The following MACROH2A2 variants were observed in gnomAD, a reference collection of about 807,000 sequenced individuals.
MACROH2A2 encodes macroH2A.2 histone, also known as core histone macro-H2A.2.
MACROH2A2 carries 6 observed loss-of-function variants against 37.6 expected under a neutral mutation model. That is an observed-to-expected ratio of 0.16 (90% CI 0.09 to 0.32). The LOEUF is 0.32. Among genes scored for constraint, MACROH2A2 ranks in the 10% least tolerant of loss-of-function variants. The probability of loss-of-function intolerance (pLI) is 1.00; values close to 1 mark genes in which losing one functional copy is unlikely to be tolerated. For synonymous variants in MACROH2A2, 192 were observed against 202.7 expected (o/e 0.95, Z 0.45); for missense variants, 290 against 485.9 (o/e 0.60, Z 3.79).
intron 5 of MACROH2A2, among the ~76,000 whole-genome samples, chr10:70,094,902 T>C (rs570438657): frequency 6.6e-6 from 1 of 152,174 alleles, no homozygotes; most frequent in Non-Finnish European, 1.5e-5. Flanking sequence ...GGTTATTGGC[T>C]TCAGAGCCCT....
At chr10:70,063,604 T>A (rs1035002059) in intron 1 of MACROH2A2, among the ~76,000 whole-genome samples, 2 of 152,246 alleles carry the variant, frequency 1.3e-5, no homozygotes, top group African/African-American at 2.4e-5. Flanking sequence ...AGCAGCATAC[T>A]CATTTCTAGG....
chr10:70,100,152 A>T, intron 6 of MACROH2A2, 56 bp from the exon 7 acceptor site: 1 of 875,672 alleles, frequency 1.1e-6, no homozygotes, highest in South Asian at 1.5e-5. Context: ...TATGTCAAAC[A>T]GTGTAATTAG....
chr10:70,109,382 G>A (rs1454092696), intron 8 of MACROH2A2, among the ~76,000 whole-genome samples, 175 bp downstream of exon 8: 3 of 152,220 alleles, frequency 2.0e-5, no homozygotes, highest in Non-Finnish European at 4.4e-5. Context: ...GGGGAAGCGA[G>A]CCCACTGGCT....
intron 3 of MACROH2A2, among the ~76,000 whole-genome samples, chr10:70,090,680 CTG>C (rs2072238918): frequency 6.6e-6 from 1 of 152,170 alleles, no homozygotes; most frequent in Non-Finnish European, 1.5e-5. Flanking sequence ...TCTTCTCAAA[CTG>C]TAGTGAAGAA....
chr10:70,070,999 A>G (rs1469426764), intron 1 of MACROH2A2, among the ~76,000 whole-genome samples: 2 of 148,900 alleles, frequency 1.3e-5, no homozygotes, highest in Non-Finnish European at 3.0e-5. Flanking sequence ...GTGCATGTGC[A>G]TGTGTGTGTG....
In MACROH2A2 at chr10:70,111,823, G is replaced by C. The variant is rs931030747; in HGVS notation, c.*140G>C. 1 of 591,926 alleles carries C rather than the reference G, an allele frequency of 1.7e-6. No individual in the cohort carries two copies. The highest frequency in any genetic ancestry group is 2.7e-6 in the Non-Finnish European group (1 of 365,252). 36.7% of individuals were successfully genotyped at this position (591,926 alleles called of 1,614,324 possible). A position where few individuals can be genotyped will look rare whatever the true frequency, so the allele number is the denominator to read the frequency against. ...GTCCTGCCGGCGCAGGGAGCCCTCT[G>C]CCCTTCACACTCTCCTCCAAAAGAG... On this transcript the variant is annotated 3_prime_UTR_variant, in exon 9 of 9. Coordinates refer to ENST00000373255, the MANE Select transcript of MACROH2A2 (RefSeq NM_018649.3).
At chr10:70,068,531 C>T (rs1015785913) in intron 1 of MACROH2A2, among the ~76,000 whole-genome samples, 63 of 152,138 alleles carry the variant, frequency 4.1e-4, no homozygotes, top group Non-Finnish European at 5.9e-4. Flanking sequence ...GTACCCAGAC[C>T]TTGGAGTCAG....
chr10:70,060,236 G>A (rs190852581), intron 1 of MACROH2A2, among the ~76,000 whole-genome samples: 2 of 152,070 alleles, frequency 1.3e-5, no homozygotes, highest in South Asian at 2.1e-4. Flanking sequence ...GGGGCACAGT[G>A]GTGGGCGCCT....
intron 8 of MACROH2A2, 72 bp downstream of exon 8, chr10:70,109,279 C>A (rs902972591): frequency 5.5e-5 from 72 of 1,316,810 alleles, no homozygotes; most frequent in Non-Finnish European, 6.5e-5. Flanking sequence ...CCACTTACAT[C>A]TGATCTGGGT....
chr10:70,074,914 A>G (rs2072131887), intron 1 of MACROH2A2, among the ~76,000 whole-genome samples: 1 of 152,226 alleles, frequency 6.6e-6, no homozygotes, highest in Non-Finnish European at 1.5e-5. Context: ...AAAGTCATAT[A>G]AGCCAAGAGG....
At chr10:70,072,743 G>A (rs2072117937) in intron 1 of MACROH2A2, among the ~76,000 whole-genome samples, 1 of 152,012 alleles carries the variant, frequency 6.6e-6, no homozygotes, top group Non-Finnish European at 1.5e-5. Context: ...GATCACTTGA[G>A]GTCAGGAGTT....
chr10:70,057,535 A>G (rs1462053018), intron 1 of MACROH2A2, among the ~76,000 whole-genome samples: 4 of 152,350 alleles, frequency 2.6e-5, no homozygotes, highest in Non-Finnish European at 5.9e-5. Flanking sequence ...TGGGAAAAAC[A>G]AAACTATTTG....
chr10:70,108,726 G>T (rs114480792), intron 7 of MACROH2A2, among the ~76,000 whole-genome samples: 1 of 152,306 alleles, frequency 6.6e-6, no homozygotes, highest in African/African-American at 2.4e-5. Flanking sequence ...GATCTGATGT[G>T]TCCCTTTAAC....
intron 1 of MACROH2A2, among the ~76,000 whole-genome samples, chr10:70,062,083 T>G (rs187677599): frequency 5.6e-4 from 86 of 152,326 alleles, no homozygotes; most frequent in African/African-American, 2.0e-3. Flanking sequence ...ATTATTTTAA[T>G]ACAGTACTTA....
intron 1 of MACROH2A2, among the ~76,000 whole-genome samples, chr10:70,073,723 A>G (rs2072123791): frequency 3.3e-5 from 5 of 152,310 alleles, no homozygotes; most frequent in African/African-American, 1.2e-4. Flanking sequence ...GAGTTATCAG[A>G]TGCTTTAGAA....
At chr10:70,061,334 AT>A (rs1564539949) in intron 1 of MACROH2A2, among the ~76,000 whole-genome samples, 1 of 152,248 alleles carries the variant, frequency 6.6e-6, no homozygotes, top group African/African-American at 2.4e-5. Flanking sequence ...TTCTTTAGGA[AT>A]GCATTGCTAA....
intron 7 of MACROH2A2, 23 bp from the exon 8 acceptor site, chr10:70,109,010 G>A (rs374645978): frequency 1.2e-6 from 2 of 1,609,954 alleles, no homozygotes; most frequent in South Asian, 1.1e-5. Context: ...ATAACCCGCG[G>A]CATTTTCTCT....
chr10:70,063,585 T>G (rs1433448507), intron 1 of MACROH2A2, among the ~76,000 whole-genome samples: 1 of 152,230 alleles, frequency 6.6e-6, no homozygotes, highest in Non-Finnish European at 1.5e-5. Flanking sequence ...AGTTGAGCTG[T>G]TTCTCCTCAG....
intron 1 of MACROH2A2, among the ~76,000 whole-genome samples, chr10:70,069,052 T>G (rs1443944908): frequency 6.6e-6 from 1 of 152,200 alleles, no homozygotes; most frequent in Non-Finnish European, 1.5e-5. Flanking sequence ...AAGTGCATCA[T>G]AAAATCAGTG....
Sources: allele counts gnomAD v4.1 joint callset (sites outside exome capture counted in the v4.1 genomes callset), GRCh38; gene constraint gnomAD v4.1.1; transcripts MANE v1.5; gene names NCBI Gene and HGNC (gene_info 2026-07-23, HGNC 2026-07-21).